SUFU: variants seen among roughly 807,000 people sequenced by gnomAD.
SUFU encodes the protein SUFU negative regulator of hedgehog signaling.
In SUFU, 7 loss-of-function variants were observed where a neutral mutation model predicts 58.9. That is an observed-to-expected ratio of 0.12 (90% CI 0.07 to 0.22). The LOEUF is 0.22. SUFU is among the 10% of genes least tolerant of loss of function. The pLI, the probability that SUFU is intolerant of heterozygous loss-of-function variation, is 1.00. For synonymous variants in SUFU, 232 were observed against 254.8 expected (o/e 0.91, Z 0.85); for missense variants, 451 against 641.3 (o/e 0.70, Z 3.20).
intron 3 of SUFU, among the ~76,000 whole-genome samples, chr10:102,556,193 G>A (rs2062974799): frequency 6.6e-6 from 1 of 151,664 alleles, no homozygotes; most frequent in Non-Finnish European, 1.5e-5. Flanking sequence ...GATGCCCACA[G>A]CCAGCCATGG....
intron 3 of SUFU, among the ~76,000 whole-genome samples, chr10:102,591,807 G>A (rs1211442514): frequency 6.6e-6 from 1 of 152,142 alleles, no homozygotes; most frequent in Non-Finnish European, 1.5e-5. Context: ...ACCCTGTGGG[G>A]TTGTTTTCCC....
Position 102,597,264 on chromosome 10 carries a change from G to A in SUFU, c.881G>A (p.Gly294Asp), listed in dbSNP as rs761234425. 6.8e-6 allele frequency: 11 copies of A among 1,613,864 alleles called. No individual in the cohort carries two copies. Among genetic ancestry groups the A allele is most frequent in the Non-Finnish European group, 8.5e-6 (10 of 1,180,014 alleles). ...DDEDSRSICI[G>D]TQPRRLSGKD... Reference sequence around the variant, plus strand: ...GAGGACAGCCGGAGCATCTGCATCGGCACACAGCCCCGGCGACTCTCTGGC... The same window carrying A: ...GAGGACAGCCGGAGCATCTGCATCGACACACAGCCCCGGCGACTCTCTGGC... The change falls in exon 7 of 12, where the codon GGC (glycine) becomes GAC (aspartate). Residue 294 changes from glycine (G) to aspartate (D), a missense_variant. Physicochemically the swap from Gly to Asp is moderately conservative, Grantham distance 94. Coordinates refer to ENST00000369902, the MANE Select transcript of SUFU (RefSeq NM_016169.4).
chr10:102,610,395 A>AAAAAAAG (rs1459349764), intron 8 of SUFU, among the ~76,000 whole-genome samples: 1 of 149,816 alleles, frequency 6.7e-6, no homozygotes, highest in Non-Finnish European at 1.5e-5. Flanking sequence ...TCTGTCTCAA[A>AAAAAAAG]AAAAAAAAGA....
At chr10:102,512,953 A>T (rs116239977) in intron 2 of SUFU, among the ~76,000 whole-genome samples, 7,704 of 151,872 alleles carry the variant, frequency 0.051, 305 homozygotes, top group African/African-American at 0.11. Context: ...TCGTAGCCCT[A>T]GCTGCTTGGG....
At chr10:102,582,019 G>A (rs1204079938) in intron 3 of SUFU, among the ~76,000 whole-genome samples, 1 of 152,156 alleles carries the variant, frequency 6.6e-6, no homozygotes, top group African/African-American at 2.4e-5. Context: ...TGTGACACCT[G>A]GCACAGTCCA....
At chr10:102,522,802 G>T (rs1439050257) in intron 2 of SUFU, among the ~76,000 whole-genome samples, 2 of 152,326 alleles carry the variant, frequency 1.3e-5, no homozygotes, top group East Asian at 3.9e-4. Flanking sequence ...CTGCTCCGTA[G>T]ATTGTCATCG....
At chr10:102,590,179 G>A (rs1320415026) in intron 3 of SUFU, among the ~76,000 whole-genome samples, 1 of 82,836 alleles carries the variant, frequency 1.2e-5, no homozygotes, top group Non-Finnish European at 2.1e-5. Context: ...TTTTTTTTGA[G>A]ACAGAGTACA....
chr10:102,519,852 A>T (rs1273511447), intron 2 of SUFU, among the ~76,000 whole-genome samples: 2 of 151,476 alleles, frequency 1.3e-5, no homozygotes, highest in Non-Finnish European at 2.9e-5. Flanking sequence ...GCTCACTGCA[A>T]CCTCCGTTTC....
chr10:102,615,115 C>T (rs973618288), intron 8 of SUFU, among the ~76,000 whole-genome samples, 153 bp from the exon 9 acceptor site: 12 of 152,064 alleles, frequency 7.9e-5, no homozygotes, highest in Admixed American at 2.0e-4. Context: ...GGCTGGCGCT[C>T]GCCAGGCATA....
At chr10:102,575,544 G>A (rs2063204808) in intron 3 of SUFU, among the ~76,000 whole-genome samples, 1 of 152,112 alleles carries the variant, frequency 6.6e-6, no homozygotes, top group Non-Finnish European at 1.5e-5. Context: ...GTCCACCTCT[G>A]TGATAATCCA....
intron 2 of SUFU, among the ~76,000 whole-genome samples, chr10:102,546,490 A>G (rs1027762693): frequency 2.0e-5 from 3 of 152,138 alleles, no homozygotes; most frequent in African/African-American, 2.4e-5. Context: ...GCACATGCCA[A>G]TTTCCCCTTA....
At chr10:102,596,034 A>G (rs1221252609) in intron 6 of SUFU, among the ~76,000 whole-genome samples, 3 of 152,142 alleles carry the variant, frequency 2.0e-5, no homozygotes, top group Non-Finnish European at 4.4e-5. Context: ...CCCAGAGTAC[A>G]CAGAGCGCTT....
intron 4 of SUFU, among the ~76,000 whole-genome samples, chr10:102,593,009 T>C (rs920795321): frequency 1.3e-5 from 2 of 152,192 alleles, no homozygotes; most frequent in African/African-American, 4.8e-5. Context: ...AGACCCAGTC[T>C]CAGGAACAGG....
In SUFU at chr10:102,630,810, C is replaced by A. The variant is rs1670219295; in HGVS notation, c.*655C>A. 4.2e-6 allele frequency: 1 copy of A among 238,340 alleles called. No homozygotes were observed. Among genetic ancestry groups the A allele is most frequent in the Non-Finnish European group, 8.3e-6 (1 of 121,060 alleles). 14.8% of individuals were successfully genotyped at this position (238,340 alleles called of 1,614,324 possible). ...GCTGTATCTCTCCCTGGGCTGCCAC[C>A]AGAGAAGGTGCTTGGTGTTCGCCTG... is the stretch of plus-strand genomic sequence containing the variant. On this transcript the variant is annotated 3_prime_UTR_variant, in exon 12 of 12. Coordinates refer to ENST00000369902, the MANE Select transcript of SUFU (RefSeq NM_016169.4).
At chr10:102,527,209 A>G (rs548926230) in intron 2 of SUFU, among the ~76,000 whole-genome samples, 51 of 152,034 alleles carry the variant, frequency 3.4e-4, no homozygotes, top group African/African-American at 1.1e-3. Context: ...TCACCGTGTT[A>G]GCCAGGATGG....
rs779547889 is a variant in SUFU, at chr10:102,617,270, C to T, written c.1158-20C>T. On this transcript the variant is annotated intron_variant, in intron 9 of 11. Transcript: ENST00000369902. This position sits in a 1 kb window ranked among gnomAD's most constrained non-coding sequence, Gnocchi z 4.4. ...GTTTCCAAGCCCAGCTCCTCACTGT[C>T]TCCATGTTCCCATCTCCAGGGGCAG... 1.9e-6 allele frequency: 3 copies of T among 1,614,180 alleles called. No homozygotes were observed. Among genetic ancestry groups the T allele is most frequent in the Admixed American group, 1.7e-5 (1 of 60,032 alleles).
At chr10:102,545,375 C>T (rs539393848) in intron 2 of SUFU, among the ~76,000 whole-genome samples, 2 of 147,764 alleles carry the variant, frequency 1.4e-5, no homozygotes, top group African/African-American at 5.0e-5. Context: ...CTCAAGTGGT[C>T]CATCCACCTC....
Position 102,592,653 on chromosome 10 carries a change from C to T in SUFU, c.526C>T (p.His176Tyr), listed in dbSNP as rs2135866889. Residue 176 changes from histidine (H) to tyrosine (Y), a missense_variant, in exon 4 of 12, where the codon CAC (histidine) becomes TAC (tyrosine). His to Tyr is a moderately conservative substitution (Grantham distance 83). Transcript: ENST00000369902. The stretch of plus-strand genomic sequence containing the variant: ...GGATAACAGTGAGTCAAGAATTCAG[C>T]ACATGCTGCTGACAGAGGACCCACA... ...PLDNSESRIQHMLLTEDPQMQ... is the reference protein window; with the variant it reads ...PLDNSESRIQYMLLTEDPQMQ... 1 of 1,614,210 alleles carries T rather than the reference C, an allele frequency of 6.2e-7. No individual in the cohort carries two copies. Among genetic ancestry groups the T allele is most frequent in the Non-Finnish European group, 8.5e-7 (1 of 1,180,024 alleles).
intron 9 of SUFU, among the ~76,000 whole-genome samples, chr10:102,616,641 C>T (rs191685148): frequency 3.2e-4 from 48 of 152,380 alleles, no homozygotes; most frequent in Admixed American, 5.9e-4. Context: ...CCATTAGCTG[C>T]CCCTGCCTGC....
Sources: gnomAD v4.1 joint callset for allele counts (sites outside exome capture counted in the v4.1 genomes callset) on GRCh38, gnomAD v4.1.1 for gene constraint, Gnocchi (gnomAD v3.1) non-coding constraint, MANE v1.5 for transcripts, NCBI Gene and HGNC (gene_info 2026-07-23, HGNC 2026-07-21) for gene names.